Variants in ASIC2 observed in about 807,000 individuals in gnomAD.
The protein encoded by ASIC2 is acid-sensing ion channel 2.
ASIC2 carries 25 observed loss-of-function variants against 57.3 expected under a neutral mutation model. The observed-to-expected ratio is 0.44, with a 90% CI of 0.32 to 0.61. ASIC2 has a LOEUF of 0.61. Ranked by LOEUF, ASIC2 falls within the 20% of genes least tolerant of loss-of-function variation. The probability of loss-of-function intolerance (pLI) is 0.06; values close to 1 mark genes in which losing one functional copy is unlikely to be tolerated. For missense variants in ASIC2, 641 were observed against 738.1 expected, an observed-to-expected ratio of 0.87 and a Z score of 1.52; for synonymous variants, 319 against 307.5, an observed-to-expected ratio of 1.04 and a Z score of -0.39.
chr17:33,193,292 G>A (rs948618705), intron 1 of ASIC2, among the ~76,000 whole-genome samples: 3 of 152,120 alleles, frequency 2.0e-5, no homozygotes, highest in East Asian at 1.9e-4. Context: ...CCAAGGCCTC[G>A]CCACCCTCTC....
chr17:33,059,922 A>G (rs2092013647), intron 3 of ASIC2, among the ~76,000 whole-genome samples: 1 of 152,000 alleles, frequency 6.6e-6, no homozygotes. Context: ...GATGATGAGC[A>G]TTTTTTCATG....
chr17:33,211,171 G>C (rs1434835870), intron 1 of ASIC2, among the ~76,000 whole-genome samples: 1 of 152,198 alleles, frequency 6.6e-6, no homozygotes, highest in Non-Finnish European at 1.5e-5. Flanking sequence ...CAGCGCAGAA[G>C]TGTGTGGCCC....
chr17:33,825,299 G>A (rs1382438456), intron 1 of ASIC2, among the ~76,000 whole-genome samples: 1 of 152,108 alleles, frequency 6.6e-6, no homozygotes, highest in Non-Finnish European at 1.5e-5. Flanking sequence ...GGTCAAAGAA[G>A]ACCAAAGCAA....
At chr17:33,388,851 C>A (rs1909789971) in intron 1 of ASIC2, among the ~76,000 whole-genome samples, 1 of 152,238 alleles carries the variant, frequency 6.6e-6, no homozygotes, top group Non-Finnish European at 1.5e-5. Context: ...GGTAACCCAG[C>A]AATCCAGGCT....
intron 1 of ASIC2, among the ~76,000 whole-genome samples, chr17:33,201,032 A>G (rs1241220695): frequency 6.6e-6 from 1 of 152,012 alleles, no homozygotes. Context: ...TCTTTCCCAG[A>G]TGCCACCTTC....
At chr17:33,910,992 A>T (rs1265117291) in intron 1 of ASIC2, among the ~76,000 whole-genome samples, 2 of 152,196 alleles carry the variant, frequency 1.3e-5, no homozygotes, top group Admixed American at 1.3e-4. Flanking sequence ...AGCGAAGGGC[A>T]AGTGTCAGAA....
At chr17:33,316,838 C>T (rs1906677289) in intron 1 of ASIC2, among the ~76,000 whole-genome samples, 1 of 152,166 alleles carries the variant, frequency 6.6e-6, no homozygotes, top group South Asian at 2.1e-4. Context: ...AACATTTGGG[C>T]AAGAATAAAA....
chr17:33,580,638 C>T (rs1904403163), intron 1 of ASIC2, among the ~76,000 whole-genome samples: 1 of 152,040 alleles, frequency 6.6e-6, no homozygotes, highest in Non-Finnish European at 1.5e-5. Context: ...AGAGTGAAGA[C>T]TCAATGACCC....
intron 1 of ASIC2, among the ~76,000 whole-genome samples, chr17:33,774,501 T>C (rs1911206145): frequency 6.6e-6 from 1 of 152,170 alleles, no homozygotes; most frequent in African/African-American, 2.4e-5. Flanking sequence ...TCAAGATGGC[T>C]GCTCCACCTC....
intron 1 of ASIC2, among the ~76,000 whole-genome samples, chr17:33,755,242 A>G (rs1278664855): frequency 6.6e-6 from 1 of 152,216 alleles, no homozygotes; most frequent in Non-Finnish European, 1.5e-5. Context: ...AAAAGCTGTA[A>G]GAGGCAAGCA....
At chr17:33,914,690 T>G (rs1269042165) in intron 1 of ASIC2, among the ~76,000 whole-genome samples, 1 of 152,194 alleles carries the variant, frequency 6.6e-6, no homozygotes, top group Non-Finnish European at 1.5e-5. Context: ...AGACTGTATA[T>G]AGCAGAGTTG....
intron 1 of ASIC2, among the ~76,000 whole-genome samples, chr17:33,585,996 C>G (rs1333885836): frequency 1.3e-5 from 2 of 152,124 alleles, no homozygotes; most frequent in East Asian, 3.9e-4. Flanking sequence ...GCGGAGTGGT[C>G]ATGCATGCCT....
At chr17:33,780,119 C>T (rs533665736) in intron 1 of ASIC2, among the ~76,000 whole-genome samples, 63 of 151,932 alleles carry the variant, frequency 4.1e-4, no homozygotes, top group African/African-American at 1.4e-3. Context: ...CACAGGTGCC[C>T]GCCACCATGC....
chr17:34,118,347 T>A (rs1481966634), intron 1 of ASIC2: 3 of 152,192 alleles, frequency 2.0e-5, no homozygotes, highest in African/African-American at 7.2e-5. Flanking sequence ...GTTAGTAGCA[T>A]GTTTTTTCTT....
chr17:33,528,865 T>G (rs1914966641), intron 1 of ASIC2, among the ~76,000 whole-genome samples: 1 of 152,174 alleles, frequency 6.6e-6, no homozygotes. Flanking sequence ...AAGAAAGAAA[T>G]AGCCACCTTG....
At chr17:33,297,239 G>C (rs1366804731), upstream of ASIC2, among the ~76,000 whole-genome samples, 1 of 152,162 alleles carries the variant, frequency 6.6e-6, no homozygotes, top group African/African-American at 2.4e-5. Flanking sequence ...TGTAGTTTTT[G>C]CTCTTGAGAT....
At chr17:33,263,484 G>A (rs1909356045) in intron 1 of ASIC2, among the ~76,000 whole-genome samples, 1 of 152,220 alleles carries the variant, frequency 6.6e-6, no homozygotes, top group Non-Finnish European at 1.5e-5. Flanking sequence ...GAGCAGGGGA[G>A]GAGGCGCTGG....
chr17:33,964,175 G>A (rs1292365428), intron 1 of ASIC2, among the ~76,000 whole-genome samples: 1 of 152,218 alleles, frequency 6.6e-6, no homozygotes, highest in Non-Finnish European at 1.5e-5. Context: ...GCATGAACGT[G>A]TTAGATGAAA....
upstream of ASIC2, among the ~76,000 whole-genome samples, chr17:33,294,420 G>C (rs12949900): frequency 7.0e-4 from 107 of 152,128 alleles, no homozygotes; most frequent in African/African-American, 2.4e-3. Context: ...CAGATCTGTT[G>C]AATGAGCTGT....
Sources: allele counts gnomAD v4.1 joint callset (sites outside exome capture counted in the v4.1 genomes callset), GRCh38; gene constraint gnomAD v4.1.1; transcripts MANE v1.5; gene names NCBI Gene and HGNC (gene_info 2026-07-23, HGNC 2026-07-21).